Variants in AGAP1 observed in about 807,000 individuals in gnomAD.
AGAP1 encodes arf-GAP with GTPase, ANK repeat and PH domain-containing protein 1.
In AGAP1, 29 loss-of-function variants were observed where a neutral mutation model predicts 105.3. The observed-to-expected ratio is 0.28, with a 90% CI of 0.21 to 0.38. The LOEUF is 0.38. Among genes scored for constraint, AGAP1 ranks in the 10% least tolerant of loss-of-function variants. The probability of loss-of-function intolerance (pLI) is 1.00; values close to 1 mark genes in which losing one functional copy is unlikely to be tolerated. For missense variants in AGAP1, 998 were observed against 1,165.1 expected, an observed-to-expected ratio of 0.86 and a Z score of 2.09; for synonymous variants, 509 against 485.9, an observed-to-expected ratio of 1.05 and a Z score of -0.63.
At chr2:235,949,205 C>G (rs1462638316) in intron 12 of AGAP1, among the ~76,000 whole-genome samples, 1 of 152,108 alleles carries the variant, frequency 6.6e-6, no homozygotes, top group South Asian at 2.1e-4. Context: ...TTCCCTAAAC[C>G]CAAAATCCAA....
In AGAP1 at chr2:235,976,073, C is replaced by T. The variant is rs1359917548; in HGVS notation, c.1645+7450C>T. 6.6e-6 allele frequency among the ~76,000 whole-genome samples: 1 copy of T among 152,140 alleles called. No homozygotes were observed. The highest frequency in any genetic ancestry group is 1.5e-5 in the Non-Finnish European group (1 of 68,020). On this transcript the variant is annotated intron_variant, in intron 13 of 17. Coordinates refer to ENST00000304032, the MANE Select transcript of AGAP1 (RefSeq NM_001037131.3). The surrounding 1 kb of genome is among the most constrained non-coding windows in gnomAD (Gnocchi z 4.5). Reference sequence around the variant, plus strand: ...GGAAAACCAAGAATCAGAACATCTTCCTGGGAGATACGCTGGAAATGCAGT... The same window carrying T: ...GGAAAACCAAGAATCAGAACATCTTTCTGGGAGATACGCTGGAAATGCAGT...
In AGAP1 at chr2:235,793,239, C is replaced by A. The variant is rs1010788316; in HGVS notation, c.674-4520C>A. Among the ~76,000 whole-genome samples, 2 of 152,200 alleles carry A rather than the reference C, an allele frequency of 1.3e-5. No individual in the cohort carries two copies. Among genetic ancestry groups the A allele is most frequent in the Non-Finnish European group, 2.9e-5 (2 of 68,040 alleles). ...GGCAGAGTCGAGCAGCATCCCCGGGCTTTCCAGAAGGCCTGGCTGGGAATG... is the reference window on the plus strand; with the variant it reads ...GGCAGAGTCGAGCAGCATCCCCGGGATTTCCAGAAGGCCTGGCTGGGAATG... On this transcript the variant is annotated intron_variant, in intron 6 of 17. Transcript: ENST00000304032. The surrounding 1 kb of genome is among the most constrained non-coding windows in gnomAD (Gnocchi z 5.3).
In AGAP1 at chr2:235,793,842, T is replaced by C. The variant is rs572925168; in HGVS notation, c.674-3917T>C. ...GTCTTGTTTGGGAGCTGTTGTCTTA[T>C]TTTTAACCACTAATTAAAGGGTGCT... On this transcript the variant is annotated intron_variant, in intron 6 of 17. Transcript: ENST00000304032. The surrounding 1 kb of genome is among the most constrained non-coding windows in gnomAD (Gnocchi z 5.3). Among the ~76,000 whole-genome samples, 1 of 152,354 alleles carries C rather than the reference T, an allele frequency of 6.6e-6. No individual in the cohort carries two copies. The highest frequency in any genetic ancestry group is 1.9e-4 in the East Asian group (1 of 5,190).
intron 9 of AGAP1, among the ~76,000 whole-genome samples, chr2:235,881,442 G>A (rs953906149): frequency 6.6e-6 from 1 of 152,170 alleles, no homozygotes; most frequent in African/African-American, 2.4e-5. Context: ...TGAGTCTTAC[G>A]CTCTCTCAGT....
intron 1 of AGAP1, among the ~76,000 whole-genome samples, chr2:235,702,522 G>C (rs533564266): frequency 3.3e-5 from 5 of 152,188 alleles, no homozygotes; most frequent in Non-Finnish European, 7.3e-5. Context: ...CTTGGGCCCT[G>C]TTCCCTTGTT....
At chr2:235,783,987 CGGACGGATGGAT>C (rs572203038) in intron 6 of AGAP1, among the ~76,000 whole-genome samples, 2,187 of 151,960 alleles carry the variant, frequency 0.014, 106 homozygotes, top group East Asian at 0.14. Context: ...GACGGATGGA[CGGACGGATGGAT>C]GGGTGGATAG....
At position 235,872,242 on chromosome 2, in the gene AGAP1, C is replaced by A. The variant is rs962250500; in HGVS notation, c.1051-11103C>A. On this transcript the variant is annotated intron_variant, in intron 9 of 17. Transcript: ENST00000304032. This position sits in a 1 kb window ranked among gnomAD's most constrained non-coding sequence, Gnocchi z 4.5. ...GCAGCAGCATCTGGTTCAGAGTGAG[C>A]CCAATATTGCATAGAAATAAAAAAA... Among the ~76,000 whole-genome samples, 2 of 151,760 alleles carry A rather than the reference C, an allele frequency of 1.3e-5. No individual in the cohort carries two copies. Among genetic ancestry groups the A allele is most frequent in the African/African-American group, 4.9e-5 (2 of 41,198 alleles).
chr2:235,922,471 C>T (rs1048548472), intron 11 of AGAP1, among the ~76,000 whole-genome samples: 4 of 152,102 alleles, frequency 2.6e-5, no homozygotes, highest in African/African-American at 9.7e-5. Context: ...CTATTATTTT[C>T]CTAGTTAAAT....
In AGAP1 at chr2:236,082,605, G is replaced by A. The variant is rs905900687; in HGVS notation, c.2114+33324G>A. ...TAAAGAAAAGAGGGCCAGGTGCAAC[G>A]GCTCACGCCTGTAATCCCAACACTT... is the stretch of plus-strand genomic sequence containing the variant. On this transcript the variant is annotated intron_variant, in intron 16 of 17. Coordinates refer to ENST00000304032, the MANE Select transcript of AGAP1 (RefSeq NM_001037131.3). This position sits in a 1 kb window ranked among gnomAD's most constrained non-coding sequence, Gnocchi z 4.2. 6.6e-6 allele frequency among the ~76,000 whole-genome samples: 1 copy of A among 152,252 alleles called. No individual in the cohort carries two copies. The highest frequency in any genetic ancestry group is 1.5e-5 in the Non-Finnish European group (1 of 68,040).
Position 236,020,464 on chromosome 2 carries a change from CAG to C in AGAP1, c.1646-16096_1646-16095del, listed in dbSNP as rs1306667271. Among the ~76,000 whole-genome samples, 1 of 152,212 alleles carries C rather than the reference CAG, an allele frequency of 6.6e-6. No homozygotes were observed. Among genetic ancestry groups the C allele is most frequent in the African/African-American group, 2.4e-5 (1 of 41,462 alleles). ...TTTGCTGTCATCTGAGAAGAATCGT[CAG>C]TTGTAGAAATTTGGCTAAAAGCGTG... On this transcript the variant is annotated intron_variant, in intron 13 of 17. Transcript: ENST00000304032. The surrounding 1 kb of genome is among the most constrained non-coding windows in gnomAD (Gnocchi z 5.0).
At chr2:235,618,882 T>C (rs747052060) in intron 1 of AGAP1, among the ~76,000 whole-genome samples, 8 of 152,082 alleles carry the variant, frequency 5.3e-5, no homozygotes, top group Non-Finnish European at 8.8e-5. Flanking sequence ...GGACCTTGCG[T>C]TGGGAGATTA....
intron 1 of AGAP1, among the ~76,000 whole-genome samples, chr2:235,703,823 C>G (rs1370161978): frequency 6.6e-6 from 1 of 152,138 alleles, no homozygotes; most frequent in Non-Finnish European, 1.5e-5. Flanking sequence ...TCTGGAACTC[C>G]TGACCTCAGG....
chr2:235,770,448 GAC>G (rs1955350070), intron 6 of AGAP1, among the ~76,000 whole-genome samples: 2 of 152,132 alleles, frequency 1.3e-5, no homozygotes, highest in Non-Finnish European at 2.9e-5. Context: ...TTCTTTTTGA[GAC>G]AGAGTCTCAC....
At chr2:235,812,159 CA>C (rs1306565756) in intron 9 of AGAP1, among the ~76,000 whole-genome samples, 1 of 152,008 alleles carries the variant, frequency 6.6e-6, no homozygotes, top group African/African-American at 2.4e-5. Context: ...CAACATCCCT[CA>C]AAAAAACTTT....
In AGAP1 at chr2:235,993,885, G is replaced by A. The variant is rs962551806; in HGVS notation, c.1645+25262G>A. On this transcript the variant is annotated intron_variant, in intron 13 of 17. Coordinates refer to ENST00000304032, the MANE Select transcript of AGAP1 (RefSeq NM_001037131.3). The surrounding 1 kb of genome is among the most constrained non-coding windows in gnomAD (Gnocchi z 5.0). Reference sequence around the variant, plus strand: ...AACATTCAGGACGTCCTGAGACCTCGTCACTTCTGATTTGGGAAAAGTCTG... The same window carrying A: ...AACATTCAGGACGTCCTGAGACCTCATCACTTCTGATTTGGGAAAAGTCTG... Among the ~76,000 whole-genome samples the A allele has an allele frequency of 6.6e-5, 10 of 152,068 alleles. No individual in the cohort carries two copies. The South Asian group carries it at 1.9e-3, about 28-fold the overall frequency.
rs560144857 is a variant in AGAP1 at position 235,754,063 on chromosome 2, A to G, written c.673+3575A>G. Among the ~76,000 whole-genome samples, 12 of 152,344 alleles carry G rather than the reference A, an allele frequency of 7.9e-5. No individual in the cohort carries two copies. Among genetic ancestry groups the G allele is most frequent in the African/African-American group, 2.9e-4 (12 of 41,592 alleles). On this transcript the variant is annotated intron_variant, in intron 6 of 17. Coordinates refer to ENST00000304032, the MANE Select transcript of AGAP1 (RefSeq NM_001037131.3). The surrounding 1 kb of genome is among the most constrained non-coding windows in gnomAD (Gnocchi z 4.6). The stretch of plus-strand genomic sequence containing the variant: ...GTTGAAGAAATTGAGGCTCAGAGAA[A>G]TGACATAGCTTGACCCAAAGGGACA...
chr2:235,869,717 T>G (rs1034499703), intron 9 of AGAP1, among the ~76,000 whole-genome samples: 1 of 152,266 alleles, frequency 6.6e-6, no homozygotes, highest in Non-Finnish European at 1.5e-5. Flanking sequence ...TTCTTAGGGC[T>G]ACAGCGTCCA....
intron 6 of AGAP1, among the ~76,000 whole-genome samples, chr2:235,757,356 G>A (rs960278286): frequency 2.0e-5 from 3 of 151,992 alleles, no homozygotes; most frequent in Admixed American, 1.3e-4. Flanking sequence ...TAGCGCTCCC[G>A]GGCCCTGTGT....
rs974463111 is a variant in AGAP1, at chr2:235,787,528, ATGT to A, written c.674-10227_674-10225del. 1.3e-5 allele frequency among the ~76,000 whole-genome samples: 2 copies of A among 152,156 alleles called. No homozygotes were observed. The highest frequency in any genetic ancestry group is 4.8e-5 in the African/African-American group (2 of 41,438). ...ACAAGGTGTGCAGGAGGTGGATGTG[ATGT>A]TGTGGTTGGTTGGTTGACATTTTCT... On this transcript the variant is annotated intron_variant, in intron 6 of 17. Transcript: ENST00000304032. This position sits in a 1 kb window ranked among gnomAD's most constrained non-coding sequence, Gnocchi z 4.4.
Sources: allele counts gnomAD v4.1 joint callset (sites outside exome capture counted in the v4.1 genomes callset), GRCh38; gene constraint gnomAD v4.1.1; non-coding constraint Gnocchi (gnomAD v3.1); transcripts MANE v1.5; gene names NCBI Gene and HGNC (gene_info 2026-07-23, HGNC 2026-07-21).